Variants in KCTD8 observed in about 807,000 individuals in gnomAD.
The protein encoded by KCTD8 is BTB/POZ domain-containing protein KCTD8.
A neutral mutation model predicts 31.5 loss-of-function variants in KCTD8; 27 were observed. The observed-to-expected ratio is 0.86, with a 90% CI of 0.63 to 1.18. The LOEUF (loss-of-function observed/expected upper bound fraction) is 1.18, where lower values mean the gene tolerates loss of function less well. Among genes scored for constraint, KCTD8 ranks in the 50% most tolerant of loss-of-function variants. KCTD8 has a pLI of 0.00. For synonymous variants in KCTD8, 290 were observed against 280.0 expected (o/e 1.04, Z -0.36); for missense variants, 658 against 647.7 (o/e 1.02, Z -0.17).
At chr4:44,344,867 T>C (rs899798662) in intron 1 of KCTD8, among the ~76,000 whole-genome samples, 1 of 152,210 alleles carries the variant, frequency 6.6e-6, no homozygotes, top group African/African-American at 2.4e-5. Flanking sequence ...AAACTTACCC[T>C]TTCTATTAGG....
chr4:44,291,589 A>G (rs989620211), intron 1 of KCTD8, among the ~76,000 whole-genome samples: 2 of 152,114 alleles, frequency 1.3e-5, no homozygotes, highest in African/African-American at 2.4e-5. Flanking sequence ...TAAGTCCCCA[A>G]AAACAATTAC....
In KCTD8 at chr4:44,174,865, T is replaced by A. The variant is rs1419430040; in HGVS notation, c.1347A>T (p.Lys449Asn). The change falls in exon 2 of 2, where the codon AAA (lysine) becomes AAT (asparagine). Residue 449 changes from lysine to asparagine, a missense_variant. Coordinates refer to ENST00000360029, the MANE Select transcript of KCTD8 (RefSeq NM_198353.3). ...CTGGAAAATAATCTGGAATGTGGATTTTTTTAAAATCCTGAATACACTTTT... is the reference window on the plus strand; with the variant it reads ...CTGGAAAATAATCTGGAATGTGGATATTTTTAAAATCCTGAATACACTTTT... ...EMKKCIQDFK[K>N]IHIPDYFPER... 6.2e-7 allele frequency: 1 copy of A among 1,613,874 alleles called. No individual in the cohort carries two copies. The highest frequency in any genetic ancestry group is 1.3e-5 in the African/African-American group (1 of 74,888).
intron 1 of KCTD8, among the ~76,000 whole-genome samples, chr4:44,272,337 A>T (rs896241691): frequency 5.3e-5 from 8 of 151,786 alleles, no homozygotes; most frequent in East Asian, 3.9e-4. Context: ...AAGCAAAAAA[A>T]TTTTTTTAAA....
intron 1 of KCTD8, among the ~76,000 whole-genome samples, chr4:44,296,783 T>C (rs1717449001): frequency 6.6e-6 from 1 of 152,124 alleles, no homozygotes; most frequent in Admixed American, 6.5e-5. Context: ...TTTGAAAGTT[T>C]TTTTGAGTAT....
chr4:44,255,402 C>T (rs1715962799), intron 1 of KCTD8, among the ~76,000 whole-genome samples: 1 of 151,676 alleles, frequency 6.6e-6, no homozygotes, highest in Non-Finnish European at 1.5e-5. Context: ...AAGATTTTTT[C>T]TCTTTTGTTT....
chr4:44,317,793 C>T (rs1718181766), intron 1 of KCTD8, among the ~76,000 whole-genome samples: 1 of 152,184 alleles, frequency 6.6e-6, no homozygotes, highest in African/African-American at 2.4e-5. Flanking sequence ...ATGAAAGCTA[C>T]CCTTAACTTC....
chr4:44,278,278 A>G (rs1323152627), intron 1 of KCTD8, among the ~76,000 whole-genome samples: 9 of 151,998 alleles, frequency 5.9e-5, no homozygotes, highest in Admixed American at 3.9e-4. Flanking sequence ...TGTATTATGT[A>G]ACCAAATTAT....
At chr4:44,411,768 C>T (rs1720963519) in intron 1 of KCTD8, among the ~76,000 whole-genome samples, 1 of 151,882 alleles carries the variant, frequency 6.6e-6, no homozygotes, top group Non-Finnish European at 1.5e-5. Context: ...CCTATGACAA[C>T]AGAGGCAGGG....
In KCTD8 at chr4:44,224,995, A is replaced by T. The variant is rs186288803; in HGVS notation, c.962-49745T>A. Among the ~76,000 whole-genome samples, 20 of 152,188 alleles carry T rather than the reference A, an allele frequency of 1.3e-4. 1 individual carries two copies. In the East Asian group the frequency reaches 3.1e-3, roughly 24 times the overall value. On this transcript the variant is annotated intron_variant, in intron 1 of 1. Coordinates refer to ENST00000360029, the MANE Select transcript of KCTD8 (RefSeq NM_198353.3). ...AGAACTAGTCATATGACCCCATACA[A>T]TTTTAAGGGGGGTTGAGAAATATGA...
chr4:44,426,963 T>A (rs1259681197), intron 1 of KCTD8, among the ~76,000 whole-genome samples: 1 of 151,682 alleles, frequency 6.6e-6, no homozygotes, highest in Non-Finnish European at 1.5e-5. Flanking sequence ...TATGATAAAG[T>A]AAGATTTATC....
chr4:44,195,901 C>A (rs1222237483), intron 1 of KCTD8, among the ~76,000 whole-genome samples: 3 of 151,942 alleles, frequency 2.0e-5, no homozygotes, highest in Non-Finnish European at 4.4e-5. Context: ...TTTTAAACTA[C>A]CTACTAGAAT....
chr4:44,419,888 A>C (rs1721171136), intron 1 of KCTD8, among the ~76,000 whole-genome samples: 1 of 152,086 alleles, frequency 6.6e-6, no homozygotes, highest in African/African-American at 2.4e-5. Context: ...GAAAAAAAGA[A>C]AGGAACCTTT....
chr4:44,284,760 T>C (rs907523703), intron 1 of KCTD8, among the ~76,000 whole-genome samples: 5 of 152,020 alleles, frequency 3.3e-5, no homozygotes, highest in Non-Finnish European at 5.9e-5. Flanking sequence ...GCAAAGAACT[T>C]AAACAAATTT....
chr4:44,280,975 C>T (rs746098424), intron 1 of KCTD8, among the ~76,000 whole-genome samples: 7 of 151,962 alleles, frequency 4.6e-5, no homozygotes, highest in South Asian at 2.1e-4. Flanking sequence ...ATAAGACAAG[C>T]GCCATTTTTA....
chr4:44,213,150 A>G (rs2109344439), intron 1 of KCTD8, among the ~76,000 whole-genome samples: 1 of 151,976 alleles, frequency 6.6e-6, no homozygotes, highest in South Asian at 2.1e-4. Flanking sequence ...CTTAGCCAGG[A>G]TGGTCTTGAT....
chr4:44,236,026 A>C (rs965436964), intron 1 of KCTD8, among the ~76,000 whole-genome samples: 3 of 152,224 alleles, frequency 2.0e-5, no homozygotes, highest in African/African-American at 4.8e-5. Context: ...AATCCTTACT[A>C]TCTCCCCACC....
Position 44,302,818 on chromosome 4 carries a change from C to T in KCTD8, c.962-127568G>A, listed in dbSNP as rs563362354. Among the ~76,000 whole-genome samples, 14 of 152,030 alleles carry T rather than the reference C, an allele frequency of 9.2e-5. No homozygotes were observed. In the South Asian group the frequency reaches 2.7e-3, roughly 29 times the overall value. On this transcript the variant is annotated intron_variant, in intron 1 of 1. Coordinates refer to ENST00000360029, the MANE Select transcript of KCTD8 (RefSeq NM_198353.3). ...TGCCAGTTTTCAAAGGGAATGCTTCCAGTTTTTGCCCATTCAGTATGATAT... is the reference window on the plus strand; with the variant it reads ...TGCCAGTTTTCAAAGGGAATGCTTCTAGTTTTTGCCCATTCAGTATGATAT...
chr4:44,358,671 C>T (rs909161625), intron 1 of KCTD8, among the ~76,000 whole-genome samples: 1 of 152,010 alleles, frequency 6.6e-6, no homozygotes, highest in African/African-American at 2.4e-5. Flanking sequence ...CGGGTTCATG[C>T]CATTCTCCTG....
At chr4:44,228,606 T>C (rs1344355127) in intron 1 of KCTD8, among the ~76,000 whole-genome samples, 1 of 152,234 alleles carries the variant, frequency 6.6e-6, no homozygotes, top group Non-Finnish European at 1.5e-5. Flanking sequence ...AACTGCTCTT[T>C]GCATCTCTGG....
Sources: allele counts gnomAD v4.1 joint callset (sites outside exome capture counted in the v4.1 genomes callset), GRCh38; gene constraint gnomAD v4.1.1; transcripts MANE v1.5; gene names NCBI Gene and HGNC (gene_info 2026-07-23, HGNC 2026-07-21).